The following NHSL2 variants were observed in gnomAD, a reference collection of about 807,000 sequenced individuals.
NHSL2 encodes NHS-like protein 2.
A neutral mutation model predicts 53.4 loss-of-function variants in NHSL2; 27 were observed. The observed-to-expected ratio is 0.51, with a 90% CI of 0.37 to 0.70. NHSL2 has a LOEUF of 0.70. Ranked by LOEUF, NHSL2 falls within the 30% of genes least tolerant of loss-of-function variation. The probability of loss-of-function intolerance (pLI) is 0.00; values close to 1 mark genes in which losing one functional copy is unlikely to be tolerated. For missense variants in NHSL2, 892 were observed against 980.1 expected (o/e 0.91, Z 1.20); for synonymous variants, 408 against 404.1 (o/e 1.01, Z -0.12).
chrX:72,130,634 C>G (rs1396025342), intron 1 of NHSL2: 24 of 1,209,956 alleles, frequency 2.0e-5, no homozygotes, highest in Non-Finnish European at 2.7e-5. Flanking sequence ...TCCACACATT[C>G]GAGAATCAGC....
intron 1 of NHSL2, among the ~76,000 whole-genome samples, chrX:72,087,201 T>C (rs979805669): frequency 1.2e-4 from 13 of 112,719 alleles, no homozygotes; most frequent in African/African-American, 3.9e-4. Flanking sequence ...TTCTGACACA[T>C]GCTACAATAT....
chrX:72,024,801 G>A (rs1008388413), intron 1 of NHSL2, among the ~76,000 whole-genome samples: 2 of 112,101 alleles, frequency 1.8e-5, no homozygotes, highest in Non-Finnish European at 3.8e-5. Flanking sequence ...CTGCTTGATC[G>A]TGTTATATTG....
intron 1 of NHSL2, among the ~76,000 whole-genome samples, chrX:72,123,640 G>A (rs945375708): frequency 8.9e-5 from 10 of 112,254 alleles, no homozygotes; most frequent in Non-Finnish European, 1.5e-4. Flanking sequence ...AGTCGCTGGA[G>A]GCACCCGCCC....
chrX:72,118,367 T>C (rs2042156925), intron 1 of NHSL2, among the ~76,000 whole-genome samples: 1 of 112,373 alleles, frequency 8.9e-6, no homozygotes, highest in African/African-American at 3.2e-5. Flanking sequence ...TTTTTATATG[T>C]TCGGACACAA....
intron 1 of NHSL2, among the ~76,000 whole-genome samples, chrX:71,959,615 T>C (rs978111303): frequency 1.8e-5 from 2 of 110,738 alleles, no homozygotes; most frequent in African/African-American, 6.6e-5. Flanking sequence ...GACCCCCCAA[T>C]CCCTCAGCCT....
intron 1 of NHSL2, among the ~76,000 whole-genome samples, chrX:72,004,431 T>G (rs72630028): frequency 0.1 from 11,185 of 111,490 alleles, 637 homozygotes; most frequent in African/African-American, 0.19. Flanking sequence ...TGGCTGTGGC[T>G]GTGGCTCAGC....
In NHSL2 at chrX:72,150,519, G is replaced by C. The variant is rs970709169; in HGVS notation, c.*6945G>C. 1 of 112,014 alleles carries C rather than the reference G, an allele frequency of 8.9e-6. No homozygotes were observed. The highest frequency in any genetic ancestry group is 3.6e-4 in the South Asian group (1 of 2,741). The allele number at this position is 112,014 out of a possible 1,213,427, so 9.2% of individuals were successfully genotyped here. A position where few individuals can be genotyped will look rare whatever the true frequency, so the allele number is the denominator to read the frequency against. On this transcript the variant is annotated 3_prime_UTR_variant, in exon 8 of 8. Transcript: ENST00000633930. ...AGTTGTGTTCTAGAAATTTCACCTGGCTTGATATTCTGTCAATCCCTGGGC... is the reference window on the plus strand; with the variant it reads ...AGTTGTGTTCTAGAAATTTCACCTGCCTTGATATTCTGTCAATCCCTGGGC...
intron 1 of NHSL2, among the ~76,000 whole-genome samples, chrX:71,952,888 A>T (rs2041827301): frequency 8.9e-6 from 1 of 112,015 alleles, no homozygotes; most frequent in South Asian, 3.8e-4. Context: ...CATTCTCATC[A>T]GGAAATTTGT....
intron 1 of NHSL2, among the ~76,000 whole-genome samples, chrX:71,984,887 G>A (rs181613721): frequency 0.032 from 3,306 of 103,044 alleles, 151 homozygotes; most frequent in African/African-American, 0.11. Flanking sequence ...GCAGTGGCAC[G>A]ATCTCGGCTC....
At chrX:72,020,405 A>G (rs895111145) in intron 1 of NHSL2, among the ~76,000 whole-genome samples, 3 of 112,869 alleles carry the variant, frequency 2.7e-5, no homozygotes, top group Non-Finnish European at 3.7e-5. Flanking sequence ...CTGACTCTTT[A>G]ACCAGCTGCA....
intron 1 of NHSL2, among the ~76,000 whole-genome samples, chrX:71,937,067 C>G (rs781158022): frequency 4.9e-4 from 55 of 112,083 alleles, no homozygotes; most frequent in Middle Eastern, 4.6e-3. Flanking sequence ...TGCTAGGATT[C>G]AAACCGAGCT....
intron 1 of NHSL2, among the ~76,000 whole-genome samples, chrX:72,057,236 A>G (rs1487523020): frequency 8.9e-6 from 1 of 112,081 alleles, no homozygotes; most frequent in African/African-American, 3.2e-5. Flanking sequence ...ACCATTATCT[A>G]TCCATGCAAG....
rs755604323 is a variant in NHSL2, at chrX:72,134,483, C to T, written c.565-26C>T. 12 of 1,135,849 alleles carry T rather than the reference C, an allele frequency of 1.1e-5. No homozygotes were observed. The East Asian group carries it at 3.9e-4, about 37-fold the overall frequency. 93.6% of individuals were successfully genotyped at this position (1,135,849 alleles called of 1,213,427 possible). A position where few individuals can be genotyped will look rare whatever the true frequency, so the allele number is the denominator to read the frequency against. ...GCTCATTGCCAGGCAGGAATACACC[C>T]TTTCCATCACCTTCTCTCCCAACAG... is the stretch of plus-strand genomic sequence containing the variant. On this transcript the variant is annotated intron_variant, in intron 3 of 7. Transcript: ENST00000633930.
intron 1 of NHSL2, among the ~76,000 whole-genome samples, chrX:72,121,437 CA>C (rs760081598): frequency 8.9e-5 from 10 of 111,772 alleles, no homozygotes; most frequent in African/African-American, 3.3e-4. Flanking sequence ...GAGCAAAGCC[CA>C]CCAACATTTC....
intron 1 of NHSL2, among the ~76,000 whole-genome samples, chrX:72,001,687 A>C (rs1470930994): frequency 9.0e-6 from 1 of 111,255 alleles, no homozygotes; most frequent in Non-Finnish European, 1.9e-5. Flanking sequence ...ACCGCTTGTG[A>C]GCTCTGACTA....
chrX:72,107,296 T>C (rs2147471004), intron 1 of NHSL2, among the ~76,000 whole-genome samples: 1 of 110,762 alleles, frequency 9.0e-6, no homozygotes, highest in East Asian at 2.8e-4. Context: ...AATAAATAAA[T>C]AAACAATAAA....
Position 72,139,315 on chromosome X carries a change from G to C in NHSL2, c.1767G>C (p.Gly589=). The part of the protein sequence containing the change: ...KDEPGLLPEG[G]SALPKDQRPK... ...AGCCAGGCCTCTTGCCTGAAGGTGG[G>C]TCAGCACTACCCAAGGACCAGAGGC... Residue 589 remains glycine (G), a synonymous_variant, in exon 6 of 8, where the codon GGG becomes GGC. Transcript: ENST00000633930. 1 of 1,209,431 alleles carries C rather than the reference G, an allele frequency of 8.3e-7. No individual in the cohort carries two copies. The highest frequency in any genetic ancestry group is 1.1e-6 in the Non-Finnish European group (1 of 894,230).
At chrX:71,927,854 C>T (rs767408394) in intron 1 of NHSL2, among the ~76,000 whole-genome samples, 18 of 112,129 alleles carry the variant, frequency 1.6e-4, no homozygotes, top group Middle Eastern at 4.6e-3. Flanking sequence ...CCATCGCACC[C>T]GGCCCTACTA....
chrX:71,964,011 GTATATATATATA>G (rs1382971808), intron 1 of NHSL2, among the ~76,000 whole-genome samples: 1 of 12,165 alleles, frequency 8.2e-5, no homozygotes, highest in African/African-American at 1.2e-4. Context: ...ATATATATAT[GTATATATATATA>G]TGTGTATATA....
Sources: gnomAD v4.1 joint callset for allele counts (sites outside exome capture counted in the v4.1 genomes callset) on GRCh38, gnomAD v4.1.1 for gene constraint, MANE v1.5 for transcripts, NCBI Gene and HGNC (gene_info 2026-07-23, HGNC 2026-07-21) for gene names.